QNG1: variants seen among roughly 807,000 people sequenced by gnomAD.
QNG1 encodes queuosine 5'-phosphate N-glycosylase/hydrolase.
chr9:83,956,772 G>A, the QNG1 span: 7 of 377,696 alleles, frequency 1.9e-5, no homozygotes, highest in Admixed American at 2.0e-4. Context: ...CGCCCTCTCG[G>A]GCGCGCTCTC....
At chr9:83,941,816 G>A in the QNG1 span, among the ~76,000 whole-genome samples, 1 of 152,084 alleles carries the variant, frequency 6.6e-6, no homozygotes, top group Non-Finnish European at 1.5e-5. Context: ...AGGAGGCTGA[G>A]GCAGGAGAAT....
chr9:83,954,091 C>T, the QNG1 span, among the ~76,000 whole-genome samples: 1 of 151,892 alleles, frequency 6.6e-6, no homozygotes, highest in Non-Finnish European at 1.5e-5. Flanking sequence ...GATGGGGTTT[C>T]ACCATGTTGC....
the QNG1 span, among the ~76,000 whole-genome samples, chr9:83,945,151 C>A: frequency 2.6e-4 from 39 of 152,154 alleles, no homozygotes; most frequent in Admixed American, 1.8e-3. Context: ...CGCCTGTAAT[C>A]CCAGCACTTT....
At chr9:83,947,723 C>T in the QNG1 span, among the ~76,000 whole-genome samples, 5 of 152,206 alleles carry the variant, frequency 3.3e-5, no homozygotes, top group South Asian at 4.1e-4. Flanking sequence ...CCGTGTTGGC[C>T]GGGCTGGTCT....
chr9:83,945,426 A>C, the QNG1 span, among the ~76,000 whole-genome samples: 1 of 151,554 alleles, frequency 6.6e-6, no homozygotes, highest in South Asian at 2.1e-4. Context: ...AAATTCATAG[A>C]TCTTTTACAA....
the QNG1 span, among the ~76,000 whole-genome samples, chr9:83,954,625 T>C: frequency 1.3e-5 from 2 of 150,968 alleles, no homozygotes; most frequent in Non-Finnish European, 2.9e-5. Context: ...CTCACGCCTG[T>C]AATCCCAGCA....
chr9:83,948,361 C>G, the QNG1 span, among the ~76,000 whole-genome samples: 2 of 140,710 alleles, frequency 1.4e-5, no homozygotes, highest in East Asian at 2.1e-4. Context: ...GCCCGGCAGC[C>G]GCCCCGTCCA....
the QNG1 span, chr9:83,956,514 A>AC: frequency 6.6e-7 from 1 of 1,515,960 alleles, no homozygotes; most frequent in African/African-American, 1.4e-5. Flanking sequence ...GCCCTTTGGG[A>AC]CCCGGCGGGC....
At chr9:83,953,982 C>T in the QNG1 span, 2 of 573,648 alleles carry the variant, frequency 3.5e-6, no homozygotes, top group Non-Finnish European at 6.3e-6. Context: ...GCAGCCTCCA[C>T]CTCTCGGGTT....
the QNG1 span, among the ~76,000 whole-genome samples, chr9:83,950,073 G>A: frequency 4.8e-5 from 7 of 145,844 alleles, no homozygotes; most frequent in African/African-American, 7.6e-5. Flanking sequence ...TTTTGGAGAC[G>A]GAGTCTTGCT....
At chr9:83,956,368 G>C in the QNG1 span, 1 of 1,608,774 alleles carries the variant, frequency 6.2e-7, no homozygotes, top group Non-Finnish European at 8.5e-7. Context: ...CCCTCCACGC[G>C]CAGCTCTGGC....
At chr9:83,945,144 C>T in the QNG1 span, among the ~76,000 whole-genome samples, 1 of 152,084 alleles carries the variant, frequency 6.6e-6, no homozygotes, top group Admixed American at 6.6e-5. Flanking sequence ...TGGCTCCCGC[C>T]TGTAATCCCA....
chr9:83,953,983 C>T, the QNG1 span: 3 of 587,456 alleles, frequency 5.1e-6, no homozygotes, highest in African/African-American at 3.9e-5. Flanking sequence ...CAGCCTCCAC[C>T]TCTCGGGTTC....
the QNG1 span, among the ~76,000 whole-genome samples, chr9:83,946,131 C>T: frequency 6.6e-6 from 1 of 151,676 alleles, no homozygotes; most frequent in East Asian, 2.0e-4. Context: ...ATGGTAATAC[C>T]CCGTCTGTAC....
the QNG1 span, among the ~76,000 whole-genome samples, chr9:83,948,441 C>T: frequency 7.0e-6 from 1 of 142,596 alleles, no homozygotes; most frequent in African/African-American, 2.6e-5. Context: ...GGGCAGCCCC[C>T]CCGCCCGGCC....
chr9:83,951,082 G>A, the QNG1 span, among the ~76,000 whole-genome samples: 6 of 152,138 alleles, frequency 3.9e-5, no homozygotes, highest in Admixed American at 3.9e-4. Flanking sequence ...GACCAGCCTG[G>A]TCAACATGGT....
the QNG1 span, chr9:83,939,433 TA>T: frequency 2.0e-6 from 2 of 977,976 alleles, no homozygotes; most frequent in Non-Finnish European, 3.1e-6. Context: ...TCATGTTCTC[TA>T]AATATCAAAG....
At chr9:83,948,410 C>A in the QNG1 span, among the ~76,000 whole-genome samples, 4,962 of 151,074 alleles carry the variant, frequency 0.033, 254 homozygotes, top group African/African-American at 0.11. Flanking sequence ...CGGCAGCCGC[C>A]CCGTCCGGGA....
the QNG1 span, among the ~76,000 whole-genome samples, chr9:83,943,146 C>T: frequency 3.3e-5 from 5 of 151,912 alleles, no homozygotes; most frequent in African/African-American, 1.2e-4. Flanking sequence ...TCAAGACCAG[C>T]ATGACCAGTG....
Sources: gnomAD v4.1 joint callset for allele counts (sites outside exome capture counted in the v4.1 genomes callset) on GRCh38, gnomAD v4.1.1 for gene constraint, MANE v1.5 for transcripts, NCBI Gene and HGNC (gene_info 2026-07-23, HGNC 2026-07-21) for gene names.